KIR2DL1: variants seen among roughly 807,000 people sequenced by gnomAD.
The protein encoded by KIR2DL1 is killer cell immunoglobulin like receptor, two Ig domains and long cytoplasmic tail 1, also known as killer cell immunoglobulin-like receptor 2DL1.
Under a neutral mutation model 33.9 loss-of-function variants are expected in KIR2DL1, and 38 were observed. The ratio of observed to expected loss-of-function variants is 1.12; its 90% CI spans 0.86 to 1.47. The LOEUF is 1.47. KIR2DL1 is among the 40% of genes most tolerant of loss of function. The pLI, the probability that KIR2DL1 is intolerant of heterozygous loss-of-function variation, is 0.00. For synonymous variants in KIR2DL1, 179 were observed against 165.9 expected (o/e 1.08, Z -0.61); for missense variants, 531 against 433.9 (o/e 1.22, Z -1.99).
In KIR2DL1 at chr19:54,783,485, G is replaced by C. The variant is rs752102380; in HGVS notation, c.818-1G>C. 4 of 1,613,398 alleles carry C rather than the reference G, an allele frequency of 2.5e-6. No homozygotes were observed. Among genetic ancestry groups the C allele is most frequent in the South Asian group, 1.1e-5 (1 of 91,056 alleles). ...GTTTTGTTGACTTCCATCTTCTACA[G>C]ATGCTGCGGTAATGGACCAAGAGTC... On this transcript the variant is annotated splice_acceptor_variant, in intron 6 of 7. Transcript: ENST00000336077. LOFTEE classifies it high-confidence loss of function.
intron 2 of KIR2DL1, among the ~76,000 whole-genome samples, chr19:54,773,068 T>A (rs1308600319): frequency 1.4e-5 from 2 of 147,356 alleles, no homozygotes; most frequent in African/African-American, 4.9e-5. Flanking sequence ...AGACATTAGT[T>A]CGAAATAGAT....
chr19:54,775,376 G>C lies in KIR2DL1; in HGVS notation c.582G>C (p.Gly194=). The C allele has an allele frequency of 1.3e-6, 2 of 1,540,740 alleles. No homozygotes were observed. The highest frequency in any genetic ancestry group is 8.8e-7 in the Non-Finnish European group (1 of 1,130,580). The change falls in exon 4 of 8, where the codon GGG becomes GGC. Residue 194 remains glycine (G), a synonymous_variant. Transcript: ENST00000336077. The part of the protein sequence containing the change: ...DFPLGPATHG[G]TYRCFGSFHD... ...CTCTGGGCCCTGCCACCCACGGAGG[G>C]ACCTACAGATGCTTCGGCTCTTTCC...
Position 54,783,060 on chromosome 19 carries a change from C to A in KIR2DL1, c.817+37C>A, listed in dbSNP as rs1361384070. ...GAAGCAGAGGCCAGAGAGCTCAGGGCCATGTGGGGAAGCAGGATGGGAGCA... is the reference window on the plus strand; with the variant it reads ...GAAGCAGAGGCCAGAGAGCTCAGGGACATGTGGGGAAGCAGGATGGGAGCA... On this transcript the variant is annotated intron_variant, in intron 6 of 7. Coordinates refer to ENST00000336077, the MANE Select transcript of KIR2DL1 (RefSeq NM_014218.3). The A allele has an allele frequency of 2.4e-5, 38 of 1,596,688 alleles. No individual in the cohort carries two copies. The Admixed American group carries it at 2.5e-4, about 11-fold the overall frequency.
intron 5 of KIR2DL1, 82 bp from the exon 6 acceptor site, chr19:54,782,832 TGTGGTTAC>T (rs2077165498): frequency 7.0e-7 from 1 of 1,419,516 alleles, no homozygotes; most frequent in Non-Finnish European, 9.9e-7. Flanking sequence ...AGGTGTTTTA[TGTGGTTAC>T]CTGTCAATCA....
chr19:54,782,963 G>T lies in KIR2DL1; in HGVS notation c.757G>T (p.Val253Phe), dbSNP rs763687432. The change falls in exon 6 of 8, where the codon GTC (valine) becomes TTC (phenylalanine). Residue 253 changes from valine to phenylalanine, a missense_variant. By Grantham distance (50) the Val-to-Phe change is conservative. Transcript: ENST00000336077. ...HLHILIGTSV[V>F]IILFILLFFL... ...GCACATTCTGATTGGGACCTCAGTGGTCATCATCCTCTTCATCCTCCTCTT... is the reference window on the plus strand; with the variant it reads ...GCACATTCTGATTGGGACCTCAGTGTTCATCATCCTCTTCATCCTCCTCTT... 2.1e-5 allele frequency: 34 copies of T among 1,613,426 alleles called. No homozygotes were observed. Among genetic ancestry groups the T allele is most frequent in the Non-Finnish European group, 2.4e-5 (28 of 1,179,826 alleles).
chr19:54,778,768 T>G lies in KIR2DL1; in HGVS notation c.715+106T>G. 4 of 1,245,354 alleles carry G rather than the reference T, an allele frequency of 3.2e-6. No individual in the cohort carries two copies. The South Asian group carries it at 5.2e-5, about 16-fold the overall frequency. The allele number at this position is 1,245,354 out of a possible 1,614,324, so 77.1% of individuals were successfully genotyped here. ...TCACAGCTCTGACATTGTACACTTG[T>G]CTTCCACCATCTCCGAACTCCAGAT... On this transcript the variant is annotated intron_variant, in intron 5 of 7. Coordinates refer to ENST00000336077, the MANE Select transcript of KIR2DL1 (RefSeq NM_014218.3).
chr19:54,775,912 G>A (rs1440790363), intron 4 of KIR2DL1, among the ~76,000 whole-genome samples: 1 of 138,274 alleles, frequency 7.2e-6, no homozygotes, highest in African/African-American at 2.7e-5. Flanking sequence ...TTTTTTTTGA[G>A]GTGGAGTCTA....
In KIR2DL1 at chr19:54,781,716, G is replaced by C. The variant is rs574151725; in HGVS notation, c.716-1206G>C. ...TCTCCCGAGATCACAAAGAGCAGCA[G>C]GTTTCACACGGGCTTCAACACTATT... is the stretch of plus-strand genomic sequence containing the variant. On this transcript the variant is annotated intron_variant, in intron 5 of 7. Transcript: ENST00000336077. 1.1e-3 allele frequency among the ~76,000 whole-genome samples: 172 copies of C among 150,768 alleles called. 1 individual carries two copies. The highest frequency in any genetic ancestry group is 2.0e-3 in the Non-Finnish European group (135 of 67,536).
chr19:54,777,065 G>A (rs1402210001), intron 4 of KIR2DL1, among the ~76,000 whole-genome samples: 2 of 151,840 alleles, frequency 1.3e-5, no homozygotes, highest in Admixed American at 1.3e-4. Flanking sequence ...TCTTTTGCCT[G>A]TCTTGCAGCT....
chr19:54,783,252 C>A (rs1297366649), intron 6 of KIR2DL1, among the ~76,000 whole-genome samples: 1 of 151,706 alleles, frequency 6.6e-6, no homozygotes, highest in African/African-American at 2.4e-5. Context: ...CACTCACATC[C>A]AGGAGAAGGT....
At chr19:54,772,304 G>A (rs1329777846) in intron 2 of KIR2DL1, among the ~76,000 whole-genome samples, 1 of 147,474 alleles carries the variant, frequency 6.8e-6, no homozygotes, top group African/African-American at 2.5e-5. Context: ...GGAAGTCCAG[G>A]AGCCATGAAT....
chr19:54,769,958 T>C, intron 1 of KIR2DL1, 74 bp downstream of exon 1: 1 of 1,519,730 alleles, frequency 6.6e-7, no homozygotes, highest in Non-Finnish European at 9.0e-7. Flanking sequence ...GATATAGGCC[T>C]GGAGGTGGAG....
At chr19:54,769,922 G>A (rs1274886191) in intron 1 of KIR2DL1, 38 bp downstream of exon 1, 2 of 1,553,560 alleles carry the variant, frequency 1.3e-6, no homozygotes. Context: ...GGAGTGAGGG[G>A]ATGGAGATCT....
chr19:54,773,842 C>T (rs1223893738), intron 3 of KIR2DL1, among the ~76,000 whole-genome samples: 1 of 148,106 alleles, frequency 6.8e-6, no homozygotes, highest in African/African-American at 2.5e-5. Flanking sequence ...AGGGGCCATA[C>T]CGGGAGTTAG....
chr19:54,783,763 A>G lies in KIR2DL1; in HGVS notation c.997A>G (p.Thr333Ala), dbSNP rs2756923. 0.15 allele frequency: 238,341 copies of G among 1,604,402 alleles called. 2,106 individuals carry two copies. The highest frequency in any genetic ancestry group is 0.26 in the South Asian group (23,296 of 90,490). The change falls in exon 8 of 8, where the codon ACG becomes GCG. Residue 333 changes from threonine to alanine, a missense_variant. Transcript: ENST00000336077. ...ACCCCCAACAGATATCATCGTGTAC[A>G]CGGAACTTCCAAATGCTGAGTCCAG... ...KTPPTDIIVYTELPNAESRSK... is the reference protein window; with the variant it reads ...KTPPTDIIVYAELPNAESRSK...
chr19:54,776,257 A>AT (rs1219174138), intron 4 of KIR2DL1, among the ~76,000 whole-genome samples: 9 of 145,698 alleles, frequency 6.2e-5, no homozygotes, highest in South Asian at 2.2e-4. Flanking sequence ...ATATATATAC[A>AT]TTTTTTTTAC....
rs1327672099 is a variant in KIR2DL1 at position 54,775,189 on chromosome 19, C to G, written c.395C>G (p.Ser132Ter). The change falls in exon 4 of 8, where the codon TCA becomes TGA. Residue 132 changes from serine to a stop codon, truncating the protein, a stop_gained. Transcript: ENST00000336077. LOFTEE classifies it high-confidence loss of function. Reference protein sequence around the residue: ...IIGLYEKPSLSAQLGPTVLAG... With the variant: ...IIGLYEKPSL ...GGTCTATATGAGAAACCTTCTCTCTCAGCCCAGCTGGGCCCCACGGTTCTG... is the reference window on the plus strand; with the variant it reads ...GGTCTATATGAGAAACCTTCTCTCTGAGCCCAGCTGGGCCCCACGGTTCTG... 1.3e-6 allele frequency: 2 copies of G among 1,588,712 alleles called. No individual in the cohort carries two copies. The highest frequency in any genetic ancestry group is 1.7e-6 in the Non-Finnish European group (2 of 1,162,610).
In KIR2DL1 at chr19:54,774,327, T is replaced by C. The variant is rs1048708745; in HGVS notation, c.370+695T>C. On this transcript the variant is annotated intron_variant, in intron 3 of 7. Coordinates refer to ENST00000336077, the MANE Select transcript of KIR2DL1 (RefSeq NM_014218.3). The stretch of plus-strand genomic sequence containing the variant: ...GGAGATTGAGAGACTCACAGACACA[T>C]AAAGAGAGAGAAAAGAGGGCAGAGG... 1.9e-4 allele frequency among the ~76,000 whole-genome samples: 26 copies of C among 134,122 alleles called. 4 individuals are homozygous for C. Among genetic ancestry groups the C allele is most frequent in the Non-Finnish European group, 3.5e-4 (21 of 60,182 alleles). 88.0% of individuals were successfully genotyped at this position (134,122 alleles called of 152,430 possible).
rs777918499 is a variant in KIR2DL1, at chr19:54,770,895, C to T, written c.70+11C>T. On this transcript the variant is annotated intron_variant, in intron 2 of 7. Coordinates refer to ENST00000336077, the MANE Select transcript of KIR2DL1 (RefSeq NM_014218.3). ...CCTGGCCACATGAGGGTGAGTCCTT[C>T]TCCCAACCTTCGGGTGTCATCTCCC... 33 of 1,583,134 alleles carry T rather than the reference C, an allele frequency of 2.1e-5. 1 individual carries two copies. In the East Asian group the frequency reaches 2.5e-4, roughly 12 times the overall value.
Sources: gnomAD v4.1 joint callset for allele counts (sites outside exome capture counted in the v4.1 genomes callset) on GRCh38, gnomAD v4.1.1 for gene constraint, MANE v1.5 for transcripts, NCBI Gene and HGNC (gene_info 2026-07-23, HGNC 2026-07-21) for gene names.